SLC10A2: variants seen among roughly 807,000 people sequenced by gnomAD.
The protein encoded by SLC10A2 is solute carrier family 10 member 2, also known as ileal sodium/bile acid cotransporter.
SLC10A2 carries 34 observed loss-of-function variants against 27.1 expected under a neutral mutation model. That is an observed-to-expected ratio of 1.26 (90% CI 0.96 to 1.67). The LOEUF is 1.67. Ranked by LOEUF, SLC10A2 falls within the 40% of genes most tolerant of loss-of-function variation. SLC10A2 has a pLI of 0.00. For missense variants in SLC10A2, 530 were observed against 444.4 expected (o/e 1.19, Z -1.73); for synonymous variants, 205 against 174.0 (o/e 1.18, Z -1.40).
chr13:103,055,685 AAAT>A (rs895671395), intron 2 of SLC10A2, among the ~76,000 whole-genome samples: 3 of 152,286 alleles, frequency 2.0e-5, no homozygotes, highest in Non-Finnish European at 4.4e-5. Context: ...TGTTAAAGGA[AAAT>A]AATAATAATA....
chr13:103,057,733 G>A (rs1015829662), intron 2 of SLC10A2, among the ~76,000 whole-genome samples: 1 of 151,960 alleles, frequency 6.6e-6, no homozygotes, highest in African/African-American at 2.4e-5. Context: ...ACAAAAATTA[G>A]CCAGGCGTGG....
intron 5 of SLC10A2, among the ~76,000 whole-genome samples, chr13:103,047,086 C>G (rs764510300): frequency 6.6e-6 from 1 of 152,172 alleles, no homozygotes; most frequent in Non-Finnish European, 1.5e-5. Flanking sequence ...TAGGACCCCT[C>G]GAATTCTAAT....
intron 2 of SLC10A2, among the ~76,000 whole-genome samples, chr13:103,056,905 T>C (rs1488974067): frequency 6.6e-6 from 1 of 152,192 alleles, no homozygotes; most frequent in Non-Finnish European, 1.5e-5. Context: ...ACAAACATTG[T>C]AATACAGATC....
intron 2 of SLC10A2, among the ~76,000 whole-genome samples, chr13:103,054,779 T>C (rs1000491346): frequency 3.9e-5 from 6 of 152,138 alleles, no homozygotes; most frequent in Non-Finnish European, 8.8e-5. Context: ...ACCCACAGTG[T>C]GTGGCTTCTG....
intron 2 of SLC10A2, among the ~76,000 whole-genome samples, chr13:103,055,529 G>C (rs529307372): frequency 6.6e-6 from 1 of 152,286 alleles, no homozygotes; most frequent in South Asian, 2.1e-4. Context: ...ATAACATCTT[G>C]TGAAGCAGTC....
chr13:103,061,980 G>T lies in SLC10A2; in HGVS notation c.378-3598C>A, dbSNP rs115274851. Among the ~76,000 whole-genome samples, 432 of 152,100 alleles carry T rather than the reference G, an allele frequency of 2.8e-3. 2 individuals are homozygous for T. The highest frequency in any genetic ancestry group is 0.01 in the African/African-American group (418 of 41,510). Reference sequence around the variant, plus strand: ...GCCTTGAATTTATATTAGACTGACAGAAAAGAGTCAAGTATAAGAAAAATA... The same window carrying T: ...GCCTTGAATTTATATTAGACTGACATAAAAGAGTCAAGTATAAGAAAAATA... On this transcript the variant is annotated intron_variant, in intron 1 of 5. Transcript: ENST00000245312.
chr13:103,053,393 G>C (rs1207967586), intron 2 of SLC10A2, among the ~76,000 whole-genome samples: 1 of 152,052 alleles, frequency 6.6e-6, no homozygotes, highest in Non-Finnish European at 1.5e-5. Flanking sequence ...ATAGTTCTTT[G>C]CAGTAACATG....
chr13:103,057,978 T>A (rs183078402), intron 2 of SLC10A2, among the ~76,000 whole-genome samples: 1 of 152,106 alleles, frequency 6.6e-6, no homozygotes, highest in African/African-American at 2.4e-5. Context: ...CAAGCTCCCA[T>A]GTCCCCAAAG....
At position 103,045,114 on chromosome 13, in the gene SLC10A2, A is replaced by C. The variant is rs1595436022; in HGVS notation, c.*1019T>G. On this transcript the variant is annotated 3_prime_UTR_variant, in exon 6 of 6. Coordinates refer to ENST00000245312, the MANE Select transcript of SLC10A2 (RefSeq NM_000452.3). ...CACATCTAATTGACTCTAGTTAAGC[A>C]TTTCAACCAGGTTTCTGTTACTTGT... 6.6e-6 allele frequency: 1 copy of C among 152,294 alleles called. No individual in the cohort carries two copies. Among genetic ancestry groups the C allele is most frequent in the East Asian group, 1.9e-4 (1 of 5,190 alleles). 9.4% of individuals were successfully genotyped at this position (152,294 alleles called of 1,614,324 possible). A position where few individuals can be genotyped will look rare whatever the true frequency, so the allele number is the denominator to read the frequency against.
At chr13:103,057,113 C>G (rs1312280953) in intron 2 of SLC10A2, among the ~76,000 whole-genome samples, 2 of 152,162 alleles carry the variant, frequency 1.3e-5, no homozygotes, top group Admixed American at 1.3e-4. Flanking sequence ...ATGGGAAACC[C>G]ACACCTTTCT....
chr13:103,060,664 C>T (rs1341271795), intron 1 of SLC10A2, among the ~76,000 whole-genome samples: 1 of 152,124 alleles, frequency 6.6e-6, no homozygotes, highest in Non-Finnish European at 1.5e-5. Context: ...GCGGGAGCCA[C>T]CGCACCCTGC....
At chr13:103,046,398 C>A in intron 5 of SLC10A2, 138 bp from the exon 6 acceptor site, 1 of 724,266 alleles carries the variant, frequency 1.4e-6, no homozygotes, top group South Asian at 1.7e-5. Context: ...AGAAAGAAAT[C>A]ACCATTCTTA....
At chr13:103,046,379 G>T in intron 5 of SLC10A2, 119 bp from the exon 6 acceptor site, 1 of 823,744 alleles carries the variant, frequency 1.2e-6, no homozygotes, top group Non-Finnish European at 1.9e-6. Context: ...TAGACTGGAG[G>T]CTGCTTAGAG....
intron 2 of SLC10A2, among the ~76,000 whole-genome samples, chr13:103,053,243 C>T (rs1197698910): frequency 6.6e-6 from 1 of 152,022 alleles, no homozygotes; most frequent in African/African-American, 2.4e-5. Flanking sequence ...CTCAAGATCA[C>T]CAGGTATTCT....
chr13:103,049,025 C>T (rs1163848952), intron 5 of SLC10A2, among the ~76,000 whole-genome samples: 1 of 152,190 alleles, frequency 6.6e-6, no homozygotes, highest in Non-Finnish European at 1.5e-5. Context: ...CTCTGCCTTC[C>T]TTATTACTGA....
chr13:103,046,290 A>G (rs1215202059), intron 5 of SLC10A2, 30 bp from the exon 6 acceptor site: 1 of 1,555,484 alleles, frequency 6.4e-7, no homozygotes, highest in East Asian at 2.3e-5. Context: ...CAGTTAAGTA[A>G]ATTTTATAAT....
Position 103,058,285 on chromosome 13 carries a change from C to T in SLC10A2, c.475G>A (p.Val159Ile), listed in dbSNP as rs60380298. 30,747 of 1,601,868 alleles carry T rather than the reference C, an allele frequency of 0.019. 393 individuals carry two copies. The highest frequency in any genetic ancestry group is 0.038 in the Middle Eastern group (227 of 6,038). Residue 159 changes from valine (V) to isoleucine (I), a missense_variant, in exon 2 of 6, where the codon GTA (valine) becomes ATA (isoleucine). Coordinates refer to ENST00000245312, the MANE Select transcript of SLC10A2 (RefSeq NM_000452.3). ...TTACCTATGTTATCATAGGGAATTACGATGCTCCCAGAGTCGACCCACATT... is the reference window on the plus strand; with the variant it reads ...TTACCTATGTTATCATAGGGAATTATGATGCTCCCAGAGTCGACCCACATT... ...TKMWVDSGSI[V>I]IPYDNIGTSL... is the part of the protein sequence containing the mutation.
intron 2 of SLC10A2, among the ~76,000 whole-genome samples, chr13:103,053,481 G>C (rs892455438): frequency 2.6e-5 from 4 of 152,128 alleles, no homozygotes; most frequent in African/African-American, 9.7e-5. Flanking sequence ...CATGTGGTTT[G>C]TTTCTCCATG....
At chr13:103,064,092 G>C (rs1474071362) in intron 1 of SLC10A2, among the ~76,000 whole-genome samples, 2 of 152,108 alleles carry the variant, frequency 1.3e-5, no homozygotes, top group Admixed American at 1.3e-4. Flanking sequence ...ATTTATTTTG[G>C]GTGTGCAGTG....
Sources: allele counts gnomAD v4.1 joint callset (sites outside exome capture counted in the v4.1 genomes callset), GRCh38; gene constraint gnomAD v4.1.1; transcripts MANE v1.5; gene names NCBI Gene and HGNC (gene_info 2026-07-23, HGNC 2026-07-21).